The following MACROD2 variants were observed in gnomAD, a reference collection of about 807,000 sequenced individuals.
MACROD2 encodes mono-ADP ribosylhydrolase 2.
Under a neutral mutation model 70.4 loss-of-function variants are expected in MACROD2, and 36 were observed. That is an observed-to-expected ratio of 0.51 (90% CI 0.39 to 0.68). The LOEUF (loss-of-function observed/expected upper bound fraction) is 0.68, where lower values mean the gene tolerates loss of function less well. MACROD2 is among the 30% of genes least tolerant of loss of function. The pLI is 0.00. For missense variants in MACROD2, 496 were observed against 538.4 expected (o/e 0.92, Z 0.78); for synonymous variants, 172 against 178.8 (o/e 0.96, Z 0.30).
At chr20:15,183,989 G>A (rs1158783192) in intron 5 of MACROD2, among the ~76,000 whole-genome samples, 1 of 152,150 alleles carries the variant, frequency 6.6e-6, no homozygotes, top group East Asian at 1.9e-4. Flanking sequence ...GGAGGGAGTG[G>A]GGGATGCTGC....
chr20:14,013,416 G>GCA (rs2052941829), intron 2 of MACROD2, among the ~76,000 whole-genome samples: 1 of 151,732 alleles, frequency 6.6e-6, no homozygotes, highest in African/African-American at 2.4e-5. Flanking sequence ...AGGACTACAG[G>GCA]TGCCCGCCAC....
At chr20:15,553,348 T>C (rs2048123255) in intron 8 of MACROD2, among the ~76,000 whole-genome samples, 1 of 152,190 alleles carries the variant, frequency 6.6e-6, no homozygotes, top group South Asian at 2.1e-4. Flanking sequence ...ACTGCAGGAA[T>C]ACATAGGGTC....
chr20:15,758,539 CT>C (rs11337973), intron 8 of MACROD2, among the ~76,000 whole-genome samples: 53,597 of 140,796 alleles, frequency 0.38, 9,672 homozygotes, highest in East Asian at 0.43. Context: ...TGCACCCAGT[CT>C]TTTTTTTTTT....
At chr20:15,157,937 A>T (rs932999893) in intron 5 of MACROD2, among the ~76,000 whole-genome samples, 1 of 152,144 alleles carries the variant, frequency 6.6e-6, no homozygotes, top group Non-Finnish European at 1.5e-5. Context: ...TGTGAACCTC[A>T]GGGTGCTTTA....
chr20:16,033,350 A>T (rs2067180515), intron 15 of MACROD2, among the ~76,000 whole-genome samples: 1 of 152,128 alleles, frequency 6.6e-6, no homozygotes, highest in Non-Finnish European at 1.5e-5. Context: ...CTGAGATTTA[A>T]TCTAGCTACA....
intron 3 of MACROD2, among the ~76,000 whole-genome samples, chr20:14,136,830 C>A (rs1040250203): frequency 1.3e-5 from 2 of 152,092 alleles, no homozygotes; most frequent in African/African-American, 4.8e-5. Context: ...AAATGCTTTC[C>A]CCATTTTTCT....
At chr20:15,498,277 T>C (rs116177158) in intron 7 of MACROD2, among the ~76,000 whole-genome samples, 167 of 152,178 alleles carry the variant, frequency 1.1e-3, no homozygotes, top group African/African-American at 3.7e-3. Context: ...CTCTCACTCA[T>C]TTTTTTTCTG....
intron 5 of MACROD2, among the ~76,000 whole-genome samples, chr20:14,702,242 A>G (rs561032833): frequency 1.3e-5 from 2 of 152,142 alleles, no homozygotes; most frequent in African/African-American, 4.8e-5. Flanking sequence ...AATTTTAAAC[A>G]TATTAACATT....
At position 15,636,071 on chromosome 20, in the gene MACROD2, C is replaced by CAAAAAA. The variant is rs1178846767; in HGVS notation, c.645+136228_645+136229insAAAAAA. Among the ~76,000 whole-genome samples the CAAAAAA allele has an allele frequency of 4.3e-4, 12 of 27,916 alleles. 1 individual carries two copies. Among genetic ancestry groups the CAAAAAA allele is most frequent in the South Asian group, 1.9e-3 (1 of 522 alleles). 18.3% of individuals were successfully genotyped at this position (27,916 alleles called of 152,430 possible). A position where few individuals can be genotyped will look rare whatever the true frequency, so the allele number is the denominator to read the frequency against. Reference sequence around the variant, plus strand: ...TGGGCGACAGAGCGAGGCTCCCTCTCAAAAGAAAAAAAAAAAAAAAAGAAA... The same window carrying CAAAAAA: ...TGGGCGACAGAGCGAGGCTCCCTCTCAAAAAAAAAAGAAAAAAAAAAAAAAAAGAAA... On this transcript the variant is annotated intron_variant, in intron 8 of 17. Coordinates refer to ENST00000684519, the MANE Select transcript of MACROD2 (RefSeq NM_001351661.2).
chr20:14,032,000 T>A (rs2148632336), intron 2 of MACROD2, among the ~76,000 whole-genome samples: 1 of 152,252 alleles, frequency 6.6e-6, no homozygotes, highest in South Asian at 2.1e-4. Flanking sequence ...GTGCTCTTAG[T>A]CATGTTGCGT....
At chr20:15,833,299 G>A (rs1320486707) in intron 8 of MACROD2, among the ~76,000 whole-genome samples, 2 of 152,178 alleles carry the variant, frequency 1.3e-5, no homozygotes, top group Non-Finnish European at 2.9e-5. Flanking sequence ...TGTGAGCATG[G>A]CAGCCAGATG....
intron 5 of MACROD2, among the ~76,000 whole-genome samples, chr20:15,029,319 G>A (rs1487401360): frequency 6.6e-6 from 1 of 152,130 alleles, no homozygotes; most frequent in African/African-American, 2.4e-5. Flanking sequence ...TATTTCTGCA[G>A]TGTCTCAAAA....
intron 5 of MACROD2, among the ~76,000 whole-genome samples, chr20:14,719,786 A>G (rs935340324): frequency 6.6e-6 from 1 of 152,140 alleles, no homozygotes; most frequent in Non-Finnish European, 1.5e-5. Flanking sequence ...TTCGAGGCCT[A>G]TGTTTGGTCA....
intron 3 of MACROD2, among the ~76,000 whole-genome samples, chr20:14,353,011 T>C (rs909084322): frequency 2.0e-5 from 3 of 152,158 alleles, no homozygotes; most frequent in African/African-American, 7.2e-5. Flanking sequence ...TATTTTCCAG[T>C]TTATGTTTTT....
intron 5 of MACROD2, among the ~76,000 whole-genome samples, chr20:14,829,128 ATTT>A (rs71190150): frequency 1.8e-5 from 2 of 110,360 alleles, no homozygotes; most frequent in Admixed American, 9.9e-5. Flanking sequence ...TTGCAGAACT[ATTT>A]TTTTTTTTTT....
chr20:14,521,141 A>G (rs2085165317), intron 4 of MACROD2, among the ~76,000 whole-genome samples: 1 of 152,160 alleles, frequency 6.6e-6, no homozygotes, highest in Non-Finnish European at 1.5e-5. Context: ...TCTTTCTCAT[A>G]ATGTCATCTC....
At chr20:14,960,965 T>C (rs2074578111) in intron 5 of MACROD2, among the ~76,000 whole-genome samples, 2 of 152,148 alleles carry the variant, frequency 1.3e-5, no homozygotes, top group South Asian at 4.1e-4. Context: ...TTAGGAACAG[T>C]GCTAGTCTTG....
intron 3 of MACROD2, among the ~76,000 whole-genome samples, chr20:14,405,813 T>A (rs1036749525): frequency 6.6e-5 from 10 of 152,044 alleles, no homozygotes; most frequent in African/African-American, 2.4e-4. Context: ...AAGTATGAGC[T>A]CTAAATATTT....
chr20:14,235,465 C>T (rs2081860563), intron 3 of MACROD2, among the ~76,000 whole-genome samples: 1 of 152,154 alleles, frequency 6.6e-6, no homozygotes, highest in South Asian at 2.1e-4. Flanking sequence ...GGCAGTAGAA[C>T]TCCTGAGTAC....
Sources: gnomAD v4.1 joint callset for allele counts (sites outside exome capture counted in the v4.1 genomes callset) on GRCh38, gnomAD v4.1.1 for gene constraint, MANE v1.5 for transcripts, NCBI Gene and HGNC (gene_info 2026-07-23, HGNC 2026-07-21) for gene names.